LRPPRC: variants seen among roughly 807,000 people sequenced by gnomAD.
LRPPRC encodes the protein leucine-rich PPR motif-containing protein, mitochondrial.
A neutral mutation model predicts 180.3 loss-of-function variants in LRPPRC; 120 were observed. That is an observed-to-expected ratio of 0.67 (90% confidence interval 0.57 to 0.77). The LOEUF (loss-of-function observed/expected upper bound fraction) is 0.77, where lower values mean the gene tolerates loss of function less well. Among genes scored for constraint, LRPPRC ranks in the 30% least tolerant of loss-of-function variants. The pLI, the probability that LRPPRC is intolerant of heterozygous loss-of-function variation, is 0.00. For synonymous variants in LRPPRC, 723 were observed against 600.0 expected, an observed-to-expected ratio of 1.21 and a Z score of -3.00; for missense variants, 2,012 against 1,657.2, an observed-to-expected ratio of 1.21 and a Z score of -3.72.
intron 14 of LRPPRC, among the ~76,000 whole-genome samples, chr2:43,952,208 A>C (rs56034148): frequency 0.31 from 47,660 of 152,020 alleles, 8,834 homozygotes; most frequent in East Asian, 0.95. Context: ...GAAAAAAAAA[A>C]AACAACTGGA....
intron 36 of LRPPRC, among the ~76,000 whole-genome samples, chr2:43,892,363 C>G (rs1443747388): frequency 6.6e-6 from 1 of 152,174 alleles, no homozygotes; most frequent in African/African-American, 2.4e-5. Context: ...TGCTCACTTA[C>G]CATTCCCAAA....
chr2:43,960,046 G>A (rs1673275522), intron 13 of LRPPRC, among the ~76,000 whole-genome samples: 1 of 152,172 alleles, frequency 6.6e-6, no homozygotes, highest in South Asian at 2.1e-4. Flanking sequence ...ATTAACATGT[G>A]ATGAGCATTA....
chr2:43,938,106 A>C (rs1672338220), intron 23 of LRPPRC, among the ~76,000 whole-genome samples: 1 of 152,180 alleles, frequency 6.6e-6, no homozygotes, highest in South Asian at 2.1e-4. Context: ...TTAAAGGCTC[A>C]CTCCTAATAA....
chr2:43,973,494 C>T, intron 11 of LRPPRC, 113 bp downstream of exon 11: 1 of 752,842 alleles, frequency 1.3e-6, no homozygotes, highest in South Asian at 1.4e-5. Flanking sequence ...ATTCCATTAT[C>T]TCATAATACT....
intron 25 of LRPPRC, among the ~76,000 whole-genome samples, chr2:43,932,284 G>A (rs190216002): frequency 6.6e-6 from 1 of 151,986 alleles, no homozygotes; most frequent in African/African-American, 2.4e-5. Flanking sequence ...TTCATTTAAT[G>A]AGCTTATGAC....
intron 34 of LRPPRC, 33 bp from the exon 35 acceptor site, chr2:43,896,741 G>A (rs780388348): frequency 2.4e-6 from 3 of 1,265,716 alleles, no homozygotes. Context: ...GTAAGTGAAG[G>A]TTTCTGATAA....
chr2:43,917,508 G>C (rs560740097), intron 29 of LRPPRC, among the ~76,000 whole-genome samples: 1 of 151,542 alleles, frequency 6.6e-6, no homozygotes, highest in Non-Finnish European at 1.5e-5. Flanking sequence ...GAGTAATTCC[G>C]GCCAGGCATG....
At chr2:43,995,639 A>C in intron 1 of LRPPRC, 160 bp downstream of exon 1, 1 of 654,874 alleles carries the variant, frequency 1.5e-6, no homozygotes, top group Non-Finnish European at 2.3e-6. Context: ...TGTCACCCGA[A>C]AACCCCTGGT....
intron 11 of LRPPRC, among the ~76,000 whole-genome samples, chr2:43,973,072 TAAG>T (rs1204453266): frequency 6.6e-6 from 1 of 152,194 alleles, no homozygotes; most frequent in African/African-American, 2.4e-5. Context: ...TAAACGTACT[TAAG>T]AACCTGAAAG....
chr2:43,980,806 G>A (rs994233073), intron 2 of LRPPRC, among the ~76,000 whole-genome samples: 3 of 152,174 alleles, frequency 2.0e-5, no homozygotes, highest in Non-Finnish European at 4.4e-5. Flanking sequence ...CAAACCTACA[G>A]GGACAGAAAA....
At position 43,899,273 on chromosome 2, in the gene LRPPRC, A is replaced by G. The variant is rs1266873061; in HGVS notation, c.3771T>C (p.Phe1257=). ...TGCCTGCATCCACAAGTTGAAGGAA[A>G]AAATCAGTGACAGGTTTATAAATTG... ...QFAIYKPVTD[F]FLQLVDAGKV... The change falls in exon 34 of 38, where the codon TTT becomes TTC. Residue 1257 remains phenylalanine, a synonymous_variant. Coordinates refer to ENST00000260665, the MANE Select transcript of LRPPRC (RefSeq NM_133259.4). 3.1e-6 allele frequency: 5 copies of G among 1,614,082 alleles called. No individual in the cohort carries two copies. The African/African-American group carries it at 6.7e-5, about 22-fold the overall frequency.
chr2:43,963,034 G>A (rs545057860), intron 12 of LRPPRC, among the ~76,000 whole-genome samples: 4 of 152,174 alleles, frequency 2.6e-5, no homozygotes, highest in Non-Finnish European at 5.9e-5. Flanking sequence ...AATTTTTCCC[G>A]ATATTGGCAT....
At chr2:43,991,212 G>A (rs757792878) in intron 1 of LRPPRC, among the ~76,000 whole-genome samples, 9 of 151,846 alleles carry the variant, frequency 5.9e-5, no homozygotes, top group Non-Finnish European at 1.2e-4. Flanking sequence ...TGTATTTTTA[G>A]TAAGAGACAG....
At chr2:43,934,535 C>T (rs901666669) in intron 24 of LRPPRC, among the ~76,000 whole-genome samples, 1 of 151,686 alleles carries the variant, frequency 6.6e-6, no homozygotes, top group African/African-American at 2.4e-5. Context: ...AATTAGAACA[C>T]AAAAATAACA....
At chr2:43,969,371 C>T (rs1169392064) in intron 11 of LRPPRC, among the ~76,000 whole-genome samples, 2 of 150,662 alleles carry the variant, frequency 1.3e-5, no homozygotes, top group African/African-American at 4.9e-5. Context: ...GACATCACCA[C>T]TGCACTCCAG....
chr2:43,888,622 T>G lies in LRPPRC; in HGVS notation c.4163A>C (p.Lys1388Thr). ...ATTTCAAGAAGAGTTTTCCCTCAAT[T>G]TTCTTAGCTGCTGTGCATAAAATTC... ...SFEFYAQQLR[K>T]LRENSS The change falls in exon 38 of 38, where the codon AAA becomes ACA. Residue 1388 changes from lysine to threonine, a missense_variant. Coordinates refer to ENST00000260665, the MANE Select transcript of LRPPRC (RefSeq NM_133259.4). The G allele has an allele frequency of 6.2e-7, 1 of 1,603,484 alleles. No homozygotes were observed. The highest frequency in any genetic ancestry group is 8.5e-7 in the Non-Finnish European group (1 of 1,170,482).
At chr2:43,890,132 A>C (rs1189073311) in intron 36 of LRPPRC, 1 of 519,250 alleles carries the variant, frequency 1.9e-6, no homozygotes, top group Non-Finnish European at 3.6e-6. Flanking sequence ...AATAATATTG[A>C]TACCATTCAC....
At chr2:43,970,436 A>G (rs1347367730) in intron 11 of LRPPRC, among the ~76,000 whole-genome samples, 1 of 152,212 alleles carries the variant, frequency 6.6e-6, no homozygotes. Context: ...AATAAGAAGG[A>G]AAGACTGATC....
At chr2:43,946,883 T>C (rs1672699889) in intron 20 of LRPPRC, among the ~76,000 whole-genome samples, 1 of 151,890 alleles carries the variant, frequency 6.6e-6, no homozygotes, top group South Asian at 2.1e-4. Flanking sequence ...AGCAGGAAAA[T>C]GGAATTTCAA....
Sources: allele counts gnomAD v4.1 joint callset (sites outside exome capture counted in the v4.1 genomes callset), GRCh38; gene constraint gnomAD v4.1.1; transcripts MANE v1.5; gene names NCBI Gene and HGNC (gene_info 2026-07-23, HGNC 2026-07-21).